Variants in COBL observed in about 807,000 individuals in gnomAD.
The protein encoded by COBL is protein cordon-bleu.
A neutral mutation model predicts 98.8 loss-of-function variants in COBL; 51 were observed. The ratio of observed to expected loss-of-function variants is 0.52; its 90% confidence interval spans 0.41 to 0.65. The LOEUF (loss-of-function observed/expected upper bound fraction) is 0.65, where lower values mean the gene tolerates loss of function less well. Ranked by LOEUF, COBL falls within the 30% of genes least tolerant of loss-of-function variation. COBL has a pLI of 0.00. For missense variants in COBL, 1,617 were observed against 1,617.5 expected (o/e 1.00, Z 0.01); for synonymous variants, 634 against 651.7 (o/e 0.97, Z 0.41).
chr7:51,244,859 C>A (rs977485126), intron 1 of COBL, among the ~76,000 whole-genome samples: 4 of 152,206 alleles, frequency 2.6e-5, no homozygotes, highest in Non-Finnish European at 4.4e-5. Context: ...TCTGCAGAGA[C>A]CCCAGGGAGT....
In COBL at chr7:51,036,560, A is replaced by C. The variant is rs147626775; in HGVS notation, c.1407-5651T>G. Among the ~76,000 whole-genome samples the C allele has an allele frequency of 1.7e-4, 26 of 152,168 alleles. 1 individual carries two copies. The East Asian group carries it at 5.0e-3, about 30-fold the overall frequency. ...TCTGGGTCCCTCTGCACCTCTCACTACAGGCCCTCAGTCCCATAAGGATCC... is the reference window on the plus strand; with the variant it reads ...TCTGGGTCCCTCTGCACCTCTCACTCCAGGCCCTCAGTCCCATAAGGATCC... On this transcript the variant is annotated intron_variant, in intron 8 of 12. Coordinates refer to ENST00000265136, the MANE Select transcript of COBL (RefSeq NM_015198.5).
intron 5 of COBL, among the ~76,000 whole-genome samples, chr7:51,143,507 C>T (rs538047665): frequency 3.3e-5 from 5 of 152,080 alleles, no homozygotes; most frequent in African/African-American, 4.8e-5. Flanking sequence ...CCAAGTATTT[C>T]GTGTTAAGTG....
At chr7:51,048,801 AC>A (rs1789968348) in intron 7 of COBL, among the ~76,000 whole-genome samples, 2 of 152,330 alleles carry the variant, frequency 1.3e-5, no homozygotes, top group African/African-American at 4.8e-5. Context: ...GTTCTTAGAA[AC>A]TTTGACATTT....
chr7:51,065,133 G>A (rs1373911495), intron 7 of COBL: 1 of 698,692 alleles, frequency 1.4e-6, no homozygotes, highest in South Asian at 1.5e-5. Context: ...AAAAAAACAA[G>A]TGTTAGCTGA....
At chr7:51,299,564 A>C (rs1363990930) in intron 1 of COBL, among the ~76,000 whole-genome samples, 1 of 152,132 alleles carries the variant, frequency 6.6e-6, no homozygotes, top group Non-Finnish European at 1.5e-5. Flanking sequence ...CTAAGGAGGA[A>C]GGGTGCTGCA....
At chr7:51,205,636 T>G (rs187495100) in intron 2 of COBL, among the ~76,000 whole-genome samples, 2,087 of 137,166 alleles carry the variant, frequency 0.015, 45 homozygotes, top group African/African-American at 0.052. Flanking sequence ...GTTTTTGTTT[T>G]TTGGTTTTTT....
intron 1 of COBL, among the ~76,000 whole-genome samples, chr7:51,279,573 AC>A (rs994840461): frequency 7.2e-5 from 11 of 152,090 alleles, no homozygotes; most frequent in African/African-American, 2.7e-4. Context: ...CTCCCCGACA[AC>A]CCACGCCCCA....
At chr7:51,126,665 G>A (rs1055899569) in intron 6 of COBL, among the ~76,000 whole-genome samples, 1 of 152,140 alleles carries the variant, frequency 6.6e-6, no homozygotes, top group Non-Finnish European at 1.5e-5. Context: ...GCAAGGAAGT[G>A]ACTGATCTGG....
intron 7 of COBL, among the ~76,000 whole-genome samples, chr7:51,056,759 G>A (rs1240488963): frequency 6.6e-6 from 1 of 151,582 alleles, no homozygotes; most frequent in African/African-American, 2.4e-5. Context: ...CATTAAAAGT[G>A]AGTGGAGAAA....
chr7:51,018,888 T>A (rs1786570886), intron 12 of COBL, among the ~76,000 whole-genome samples: 2 of 21,434 alleles, frequency 9.3e-5, no homozygotes, highest in Admixed American at 5.2e-4. Flanking sequence ...AGAAACTCCA[T>A]CTCAAAAAAA....
chr7:51,130,193 G>A (rs573602339), intron 6 of COBL, among the ~76,000 whole-genome samples: 7 of 152,226 alleles, frequency 4.6e-5, no homozygotes, highest in South Asian at 2.1e-4. Flanking sequence ...CCTCCTGAGC[G>A]CATGGTAAAC....
chr7:51,115,332 CT>C (rs1164623522), intron 6 of COBL, among the ~76,000 whole-genome samples: 1 of 151,650 alleles, frequency 6.6e-6, no homozygotes, highest in East Asian at 1.9e-4. Context: ...TTTTGTTCTA[CT>C]TTTTTTTAGC....
At chr7:51,129,084 C>A (rs571202017) in intron 6 of COBL, among the ~76,000 whole-genome samples, 52 of 152,232 alleles carry the variant, frequency 3.4e-4, no homozygotes, top group Non-Finnish European at 2.8e-4. Flanking sequence ...GAAAGCAATT[C>A]TTTCGCTATT....
At chr7:51,269,915 A>G (rs1320419814) in intron 1 of COBL, among the ~76,000 whole-genome samples, 1 of 152,216 alleles carries the variant, frequency 6.6e-6, no homozygotes, top group Non-Finnish European at 1.5e-5. Flanking sequence ...GCTGGCGGCC[A>G]TACTGACACA....
rs549032154 is a variant in COBL, at chr7:51,183,007, C to T, written c.783+1095G>A. ...GCTACAGGGACGTGCTGGCTCTGCA[C>T]GCAGACACATCTGTGTCTAAGCCTG... is the stretch of plus-strand genomic sequence containing the variant. On this transcript the variant is annotated intron_variant, in intron 5 of 12. Coordinates refer to ENST00000265136, the MANE Select transcript of COBL (RefSeq NM_015198.5). 5.3e-5 allele frequency among the ~76,000 whole-genome samples: 8 copies of T among 152,326 alleles called. No homozygotes were observed. In the East Asian group the frequency reaches 1.5e-3, roughly 29 times the overall value.
rs186934402 is a variant in COBL, at chr7:51,175,224, C to T, written c.783+8878G>A. On this transcript the variant is annotated intron_variant, in intron 5 of 12. Transcript: ENST00000265136. ...ATTGGCAGTTTTGCACTGCTGATAT[C>T]ACTTTACATAGCACGCTTTTAAAAC... is the stretch of plus-strand genomic sequence containing the variant. Among the ~76,000 whole-genome samples, 244 of 152,366 alleles carry T rather than the reference C, an allele frequency of 1.6e-3. 3 individuals carry two copies. Among genetic ancestry groups the T allele is most frequent in the African/African-American group, 5.5e-3 (227 of 41,584 alleles).
intron 6 of COBL, among the ~76,000 whole-genome samples, chr7:51,133,594 C>T (rs748881934): frequency 8.5e-5 from 13 of 152,136 alleles, no homozygotes; most frequent in Non-Finnish European, 1.5e-4. Context: ...ATCTGATGCC[C>T]GCTCAAGTCT....
chr7:51,132,206 C>T (rs1054755418), intron 6 of COBL, among the ~76,000 whole-genome samples: 1 of 152,238 alleles, frequency 6.6e-6, no homozygotes, highest in Non-Finnish European at 1.5e-5. Flanking sequence ...CCCAGCCCTC[C>T]CTGCTTTAGG....
chr7:51,281,224 G>A (rs1244458135), intron 1 of COBL, among the ~76,000 whole-genome samples: 2 of 152,110 alleles, frequency 1.3e-5, no homozygotes, highest in African/African-American at 4.8e-5. Context: ...TTTGCATACA[G>A]GTCAACAGAA....
Sources: allele counts gnomAD v4.1 joint callset (sites outside exome capture counted in the v4.1 genomes callset), GRCh38; gene constraint gnomAD v4.1.1; transcripts MANE v1.5; gene names NCBI Gene and HGNC (gene_info 2026-07-23, HGNC 2026-07-21).